The following ERBIN variants were observed in gnomAD, a reference collection of about 807,000 sequenced individuals.
ERBIN encodes densin-180-like protein.
A neutral mutation model predicts 158.4 loss-of-function variants in ERBIN; 60 were observed. That is an observed-to-expected ratio of 0.38 (90% CI 0.31 to 0.47). The LOEUF is 0.47. Among genes scored for constraint, ERBIN ranks in the 20% least tolerant of loss-of-function variants. The probability of loss-of-function intolerance (pLI) is 0.99; values close to 1 mark genes in which losing one functional copy is unlikely to be tolerated. For missense variants in ERBIN, 1,610 were observed against 1,648.0 expected (o/e 0.98, Z 0.40); for synonymous variants, 594 against 557.2 (o/e 1.07, Z -0.93).
At position 66,050,865 on chromosome 5, in the gene ERBIN, T is replaced by C; in HGVS notation, c.1986T>C (p.Ser662=). Residue 662 remains serine, a synonymous_variant, in exon 20 of 26, where the codon TCT becomes TCC. Transcript: ENST00000284037. The part of the protein sequence containing the change: ...NQNNSNCSSP[S]RMSDSVSLNT... ...ATAACAGCAATTGTTCTTCTCCATC[T>C]CGGATGTCTGATTCAGTTTCTCTTA... 2 of 1,604,366 alleles carry C rather than the reference T, an allele frequency of 1.2e-6. No individual in the cohort carries two copies. The highest frequency in any genetic ancestry group is 1.1e-5 in the South Asian group (1 of 89,146).
At chr5:65,935,642 A>G (rs1743985541) in intron 1 of ERBIN, among the ~76,000 whole-genome samples, 1 of 152,202 alleles carries the variant, frequency 6.6e-6, no homozygotes, top group Admixed American at 6.5e-5. Context: ...CAGTACTTTT[A>G]CTCTTTACAT....
intron 1 of ERBIN, among the ~76,000 whole-genome samples, chr5:65,934,631 G>A (rs977640300): frequency 1.3e-5 from 2 of 152,150 alleles, no homozygotes; most frequent in Admixed American, 1.3e-4. Context: ...GGCAATTTCA[G>A]TGTGTCCTAT....
chr5:66,022,392 A>G (rs1368207727), intron 8 of ERBIN, among the ~76,000 whole-genome samples: 1 of 152,238 alleles, frequency 6.6e-6, no homozygotes, highest in Non-Finnish European at 1.5e-5. Context: ...TAAAACTTAC[A>G]GTAGAATTTA....
intron 1 of ERBIN, among the ~76,000 whole-genome samples, chr5:65,930,671 CTGT>C (rs1743253460): frequency 6.6e-6 from 1 of 152,146 alleles, no homozygotes; most frequent in Admixed American, 6.6e-5. Flanking sequence ...TTAAAATTGA[CTGT>C]TAAGATAATA....
chr5:65,940,659 C>T (rs1363162602), intron 1 of ERBIN, among the ~76,000 whole-genome samples: 1 of 144,224 alleles, frequency 6.9e-6, no homozygotes, highest in African/African-American at 2.7e-5. Flanking sequence ...GGTCAGCCCC[C>T]CGCCCGGCCA....
intron 1 of ERBIN, among the ~76,000 whole-genome samples, chr5:65,976,414 A>G (rs985906090): frequency 6.6e-6 from 1 of 152,210 alleles, no homozygotes; most frequent in African/African-American, 2.4e-5. Context: ...CAGAGGTTGC[A>G]GTGAGCTGAG....
At chr5:66,025,720 G>C in intron 11 of ERBIN, 128 bp from the exon 12 acceptor site, 1 of 866,514 alleles carries the variant, frequency 1.2e-6, no homozygotes, top group Non-Finnish European at 1.7e-6. Flanking sequence ...TATTGGTGAA[G>C]TTTAGCTTTG....
intron 1 of ERBIN, among the ~76,000 whole-genome samples, chr5:65,932,248 AGAATTGCCTGAACTCG>A (rs1002472707): frequency 4.0e-5 from 6 of 150,698 alleles, no homozygotes; most frequent in Non-Finnish European, 8.9e-5. Flanking sequence ...CTGAGGCAGG[AGAATTGCCTGAACTCG>A]GGAGGTGGAG....
At chr5:66,078,154 G>A (rs955917311) in intron 25 of ERBIN, among the ~76,000 whole-genome samples, 4 of 152,126 alleles carry the variant, frequency 2.6e-5, no homozygotes, top group African/African-American at 4.8e-5. Flanking sequence ...AGCATTATAC[G>A]ACACCATGTC....
chr5:65,957,598 T>C (rs1341462805), intron 1 of ERBIN, among the ~76,000 whole-genome samples: 1 of 151,844 alleles, frequency 6.6e-6, no homozygotes. Context: ...CAAAATGGAG[T>C]CTCCCATGTC....
intron 1 of ERBIN, among the ~76,000 whole-genome samples, chr5:65,971,243 TG>T (rs951527247): frequency 1.3e-5 from 2 of 150,424 alleles, no homozygotes; most frequent in African/African-American, 4.9e-5. Flanking sequence ...TTGTGCATGC[TG>T]GTTTTTTTTT....
At chr5:65,992,181 G>A (rs895186253) in intron 2 of ERBIN, among the ~76,000 whole-genome samples, 4 of 151,628 alleles carry the variant, frequency 2.6e-5, no homozygotes, top group African/African-American at 7.3e-5. Context: ...TTTGAGTCTC[G>A]CTCTGTTGCC....
chr5:66,050,787 T>A lies in ERBIN; in HGVS notation c.1908T>A (p.Asp636Glu). The A allele has an allele frequency of 6.5e-7, 1 of 1,538,520 alleles. No individual in the cohort carries two copies. Residue 636 changes from aspartate to glutamate, a missense_variant, in exon 20 of 26, where the codon GAT becomes GAA. Asp to Glu is a conservative substitution (Grantham distance 45). Around this residue, in one of 2 missense-constraint regions of ERBIN, gnomAD observed 1,014 missense variants for 936.1 expected, o/e 1.08. Transcript: ENST00000284037. ...CTTAAATTTGTTTTGTTTCAGATGA[T>A]ACAAAGGAAACAGATTCTTTATCAG... ...VVALSNNKKD[D>E]TKETDSLSDE... is the part of the protein sequence containing the mutation.
chr5:65,994,914 T>C lies in ERBIN; in HGVS notation c.307+50T>C, dbSNP rs371566283. On this transcript the variant is annotated intron_variant, in intron 4 of 25. Coordinates refer to ENST00000284037, the MANE Select transcript of ERBIN (RefSeq NM_001253697.2). ...TTTTGTACTTGGGAACATGTTTCAT[T>C]ACTAAGATTTCTATTGAGTTTTCAA... 2.9e-6 allele frequency: 3 copies of C among 1,039,494 alleles called. No individual in the cohort carries two copies. The African/African-American group carries it at 4.9e-5, about 17-fold the overall frequency. 64.4% of individuals were successfully genotyped at this position (1,039,494 alleles called of 1,614,324 possible).
chr5:66,035,807 A>C (rs1055244305), intron 14 of ERBIN, among the ~76,000 whole-genome samples: 2 of 152,234 alleles, frequency 1.3e-5, no homozygotes. Flanking sequence ...AATTATAAGT[A>C]ATCAGACTGG....
intron 7 of ERBIN, among the ~76,000 whole-genome samples, chr5:66,015,502 G>A (rs1254514980): frequency 6.6e-6 from 1 of 152,102 alleles, no homozygotes; most frequent in Non-Finnish European, 1.5e-5. Context: ...GTTGGTGTTA[G>A]AGTGGTTATC....
In ERBIN at chr5:66,054,200, C is replaced by T. The variant is rs764427295; in HGVS notation, c.2882C>T (p.Pro961Leu). The T allele has an allele frequency of 5.6e-6, 9 of 1,614,056 alleles. No individual in the cohort carries two copies. Among genetic ancestry groups the T allele is most frequent in the South Asian group, 1.1e-5 (1 of 91,076 alleles). The change falls in exon 21 of 26, where the codon CCC becomes CTC. Residue 961 changes from proline (P) to leucine (L), a missense_variant. By Grantham distance (98) the Pro-to-Leu change is moderately conservative. Coordinates refer to ENST00000284037, the MANE Select transcript of ERBIN (RefSeq NM_001253697.2). ...NPEEPNIIRG[P>L]TSGPQSAPQI... ...GAAGAGCCAAATATAATAAGAGGCC[C>T]CACAAGTGGCCCACAATCTGCACCT...
chr5:66,038,345 G>A (rs1220680052), intron 14 of ERBIN, 38 bp from the exon 15 acceptor site: 1 of 1,356,612 alleles, frequency 7.4e-7, no homozygotes, highest in Middle Eastern at 1.8e-4. Context: ...ATTTGCTTTA[G>A]GGTTATTGAA....
intron 6 of ERBIN, 84 bp from the exon 7 acceptor site, chr5:66,014,585 T>G (rs1754522496): frequency 1.6e-6 from 1 of 640,460 alleles, no homozygotes; most frequent in Non-Finnish European, 2.6e-6. Flanking sequence ...TTACATTGCT[T>G]CCTTTAAAAC....
Sources: allele counts gnomAD v4.1 joint callset (sites outside exome capture counted in the v4.1 genomes callset), GRCh38; gene constraint gnomAD v4.1.1; regional missense constraint gnomAD v4.1.1; transcripts MANE v1.5; gene names NCBI Gene and HGNC (gene_info 2026-07-23, HGNC 2026-07-21).